The following KHDRBS1 variants were observed in gnomAD, a reference collection of about 807,000 sequenced individuals.
KHDRBS1 encodes the protein KH RNA binding domain containing, signal transduction associated 1, also known as KH domain-containing, RNA-binding, signal transduction-associated protein 1.
Under a neutral mutation model 48.4 loss-of-function variants are expected in KHDRBS1, and 7 were observed. The ratio of observed to expected loss-of-function variants is 0.14; its 90% CI spans 0.08 to 0.27. KHDRBS1 has a LOEUF of 0.27. Among genes scored for constraint, KHDRBS1 ranks in the 10% least tolerant of loss-of-function variants. The pLI is 1.00. For synonymous variants in KHDRBS1, 241 were observed against 235.8 expected (o/e 1.02, Z -0.20); for missense variants, 458 against 601.2 (o/e 0.76, Z 2.49).
intron 1 of KHDRBS1, among the ~76,000 whole-genome samples, chr1:32,026,952 G>A (rs181394500): frequency 1.2e-4 from 19 of 152,242 alleles, no homozygotes; most frequent in South Asian, 6.2e-4. Flanking sequence ...ACACCACCAC[G>A]CCTGGCTAAT....
chr1:32,059,555 GA>G (rs1485591462), intron 10 of KHDRBS1, among the ~76,000 whole-genome samples: 1 of 128,338 alleles, frequency 7.8e-6, no homozygotes, highest in Non-Finnish European at 1.7e-5. Context: ...AAAAAAAAAA[GA>G]AGAAGAAGAA....
Position 32,042,774 on chromosome 1 carries a change from A to G in KHDRBS1, c.*150A>G, listed in dbSNP as rs1390567812. On this transcript the variant is annotated 3_prime_UTR_variant, in exon 9 of 9. Transcript: ENST00000327300. Reference sequence around the variant, plus strand: ...CCCCTTCTTCTCCCCACCTTATTCCATTCTTAACTCTGCATTCTGGCTTCT... The same window carrying G: ...CCCCTTCTTCTCCCCACCTTATTCCGTTCTTAACTCTGCATTCTGGCTTCT... The G allele has an allele frequency of 1.1e-5, 6 of 568,472 alleles. No individual in the cohort carries two copies. The highest frequency in any genetic ancestry group is 1.6e-5 in the Non-Finnish European group (5 of 315,020). The allele number at this position is 568,472 out of a possible 1,614,324, so 35.2% of individuals were successfully genotyped here. A position where few individuals can be genotyped will look rare whatever the true frequency, so the allele number is the denominator to read the frequency against.
At chr1:32,022,614 G>A (rs1012939640) in intron 1 of KHDRBS1, among the ~76,000 whole-genome samples, 5 of 152,116 alleles carry the variant, frequency 3.3e-5, no homozygotes, top group African/African-American at 1.2e-4. Flanking sequence ...CAGTTGGCCG[G>A]GCGCGGTGGC....
intron 3 of KHDRBS1, among the ~76,000 whole-genome samples, chr1:32,031,851 T>G (rs774443654): frequency 1.3e-5 from 2 of 152,218 alleles, no homozygotes; most frequent in Non-Finnish European, 2.9e-5. Flanking sequence ...GGTGATAGTT[T>G]TCTTTTGGAC....
chr1:32,057,987 G>A (rs562529287), intron 10 of KHDRBS1, among the ~76,000 whole-genome samples: 10 of 151,670 alleles, frequency 6.6e-5, no homozygotes, highest in Non-Finnish European at 8.8e-5. Context: ...GTGTGGTGGC[G>A]GGCGCCTGTA....
downstream of KHDRBS1, among the ~76,000 whole-genome samples, chr1:32,044,379 TAACTC>T (rs765197163): frequency 2.0e-5 from 3 of 152,184 alleles, no homozygotes; most frequent in African/African-American, 4.8e-5. Context: ...GAAATGCTGA[TAACTC>T]AGCTGGGCTG....
At chr1:32,025,740 TTCC>T (rs1205661324) in intron 1 of KHDRBS1, among the ~76,000 whole-genome samples, 4 of 106,382 alleles carry the variant, frequency 3.8e-5, no homozygotes, top group African/African-American at 1.5e-4. Context: ...CCCTCCTTCC[TTCC>T]TCCCTTTCTC....
intron 1 of KHDRBS1, among the ~76,000 whole-genome samples, chr1:32,023,456 C>T (rs1031058964): frequency 9.9e-5 from 15 of 152,252 alleles, no homozygotes; most frequent in East Asian, 5.8e-4. Context: ...AAATTCCTGA[C>T]GCATAGAAGG....
chr1:32,031,427 A>C, intron 2 of KHDRBS1, 97 bp from the exon 3 acceptor site: 1 of 722,600 alleles, frequency 1.4e-6, no homozygotes, highest in South Asian at 1.8e-5. Context: ...GTAATACTCT[A>C]CCTTTGCAGG....
At chr1:32,054,509 C>A (rs1639458312) in intron 10 of KHDRBS1, 1 of 152,144 alleles carries the variant, frequency 6.6e-6, no homozygotes, top group Non-Finnish European at 1.5e-5. Context: ...ATTCCTTTCG[C>A]CCACCCTGCA....
intron 1 of KHDRBS1, among the ~76,000 whole-genome samples, chr1:32,024,585 C>T (rs533109260): frequency 3.9e-5 from 6 of 152,120 alleles, no homozygotes; most frequent in African/African-American, 1.4e-4. Flanking sequence ...CCTCGGCCTC[C>T]CAAAGTTCTG....
intron 1 of KHDRBS1, among the ~76,000 whole-genome samples, chr1:32,027,668 ATTAG>A (rs1235367215): frequency 2.6e-5 from 4 of 152,218 alleles, no homozygotes; most frequent in East Asian, 1.9e-4. Context: ...GTATGTGTCT[ATTAG>A]TTCATGGTAT....
In KHDRBS1 at chr1:32,031,514, T is replaced by G; in HGVS notation, c.508-10T>G. ...GCATGTATATTTAGAAATCCTCTATTTTCTGTCAGTTCAATTTTGTGGGGA... is the reference window on the plus strand; with the variant it reads ...GCATGTATATTTAGAAATCCTCTATGTTCTGTCAGTTCAATTTTGTGGGGA... On this transcript the variant is annotated splice_polypyrimidine_tract_variant and intron_variant, in intron 2 of 8. Transcript: ENST00000327300. 6.5e-7 allele frequency: 1 copy of G among 1,527,054 alleles called. No individual in the cohort carries two copies. Among genetic ancestry groups the G allele is most frequent in the Non-Finnish European group, 8.9e-7 (1 of 1,118,904 alleles). 94.6% of individuals were successfully genotyped at this position (1,527,054 alleles called of 1,614,324 possible).
chr1:32,051,367 C>T (rs898433832), intron 10 of KHDRBS1, among the ~76,000 whole-genome samples: 1 of 152,176 alleles, frequency 6.6e-6, no homozygotes, highest in African/African-American at 2.4e-5. Flanking sequence ...GTTATTGATA[C>T]AATTTCTGGC....
Position 32,038,573 on chromosome 1 carries a change from G to C in KHDRBS1, c.1129G>C (p.Glu377Gln), listed in dbSNP as rs1225712816. ...CTAGGGATATGATGATACATACGCAGAACAAAGTTACGAAGGCTACGAAGG... is the reference window on the plus strand; with the variant it reads ...CTAGGGATATGATGATACATACGCACAACAAAGTTACGAAGGCTACGAAGG... ...EEYGYDDTYA[E>Q]QSYEGYEGYY... is the part of the protein sequence containing the mutation. Residue 377 changes from glutamate (E) to glutamine (Q), a missense_variant, in exon 7 of 9, where the codon GAA becomes CAA. Physicochemically the swap from Glu to Gln is conservative, Grantham distance 29. Around this residue, in one of 3 missense-constraint regions of KHDRBS1, gnomAD observed 171 missense variants for 228.7 expected, o/e 0.75. Transcript: ENST00000327300. The C allele has an allele frequency of 6.2e-7, 1 of 1,613,810 alleles. No individual in the cohort carries two copies. Among genetic ancestry groups the C allele is most frequent in the Admixed American group, 1.7e-5 (1 of 60,012 alleles).
chr1:32,035,399 A>G (rs1224666085), intron 4 of KHDRBS1, among the ~76,000 whole-genome samples: 2 of 152,168 alleles, frequency 1.3e-5, no homozygotes, highest in Non-Finnish European at 2.9e-5. Flanking sequence ...ATCAAAGACT[A>G]GCATCATCTA....
intron 10 of KHDRBS1, among the ~76,000 whole-genome samples, chr1:32,049,093 C>T (rs1218167651): frequency 6.7e-6 from 1 of 148,270 alleles, no homozygotes; most frequent in Non-Finnish European, 1.5e-5. Flanking sequence ...GTTGCTCTGT[C>T]GCTCAGGTTG....
At position 32,038,024 on chromosome 1, in the gene KHDRBS1, A is replaced by G. The variant is rs759015907; in HGVS notation, c.1095A>G (p.Thr365=). 1.9e-6 allele frequency: 3 copies of G among 1,614,056 alleles called. No homozygotes were observed. The highest frequency in any genetic ancestry group is 1.7e-6 in the Non-Finnish European group (2 of 1,179,942). The change falls in exon 6 of 9, where the codon ACA becomes ACG. Residue 365 remains threonine (T), a synonymous_variant. Transcript: ENST00000327300. ...TGCCTCCACCTCCTGCACCAGAAACATATGAAGAATATGTAAGAAATTTGA... is the reference window on the plus strand; with the variant it reads ...TGCCTCCACCTCCTGCACCAGAAACGTATGAAGAATATGTAAGAAATTTGA... ...IPLPPPPAPE[T]YEEYGYDDTY... is the part of the protein sequence containing the mutation.
chr1:32,059,058 G>C (rs2124404672), intron 10 of KHDRBS1, among the ~76,000 whole-genome samples: 1 of 151,272 alleles, frequency 6.6e-6, no homozygotes, highest in East Asian at 2.0e-4. Flanking sequence ...TTGGGAGCCT[G>C]AGGGAGGAGA....
Sources: gnomAD v4.1 joint callset for allele counts (sites outside exome capture counted in the v4.1 genomes callset) on GRCh38, gnomAD v4.1.1 for gene constraint, gnomAD v4.1.1 regional missense constraint, MANE v1.5 for transcripts, NCBI Gene and HGNC (gene_info 2026-07-23, HGNC 2026-07-21) for gene names.